The following WWOX variants were observed in gnomAD, a reference collection of about 807,000 sequenced individuals.
WWOX encodes the protein WW domain-containing oxidoreductase.
Under a neutral mutation model 46.2 loss-of-function variants are expected in WWOX, and 69 were observed. The ratio of observed to expected loss-of-function variants is 1.49; its 90% CI spans 1.23 to 1.82. The LOEUF (loss-of-function observed/expected upper bound fraction) is 1.82, where lower values mean the gene tolerates loss of function less well. Among genes scored for constraint, WWOX ranks in the 40% most tolerant of loss-of-function variants. The pLI is 0.00. For missense variants in WWOX, 919 were observed against 542.6 expected (o/e 1.69, Z -6.89); for synonymous variants, 359 against 202.6 (o/e 1.77, Z -6.56).
At position 78,342,331 on chromosome 16, in the gene WWOX, G is replaced by A. The variant is rs552098717; in HGVS notation, c.517-44529G>A. Among the ~76,000 whole-genome samples, 4 of 120,642 alleles carry A rather than the reference G, an allele frequency of 3.3e-5. No individual in the cohort carries two copies. The East Asian group carries it at 5.8e-4, about 17-fold the overall frequency. 79.1% of individuals were successfully genotyped at this position (120,642 alleles called of 152,430 possible). A position where few individuals can be genotyped will look rare whatever the true frequency, so the allele number is the denominator to read the frequency against. On this transcript the variant is annotated intron_variant, in intron 5 of 8. Coordinates refer to ENST00000566780, the MANE Select transcript of WWOX (RefSeq NM_016373.4). ...ATATCCAGTGTGAGTTGGCTGGAAG[G>A]TCCACCCTACACAACCACTCGTGAA...
At chr16:78,404,573 A>G (rs1044750590) in intron 6 of WWOX, among the ~76,000 whole-genome samples, 4 of 152,160 alleles carry the variant, frequency 2.6e-5, no homozygotes, top group Non-Finnish European at 5.9e-5. Context: ...ACTTTGGCCT[A>G]TCAAATTTCT....
At chr16:79,063,806 G>C (rs556200381) in intron 8 of WWOX, among the ~76,000 whole-genome samples, 38 of 152,310 alleles carry the variant, frequency 2.5e-4, no homozygotes, top group African/African-American at 8.2e-4. Context: ...ATTTCTGTGG[G>C]ACCTAAAGAG....
intron 8 of WWOX, among the ~76,000 whole-genome samples, chr16:78,979,612 C>T (rs914874186): frequency 1.3e-5 from 2 of 152,136 alleles, no homozygotes; most frequent in Non-Finnish European, 1.5e-5. Flanking sequence ...ATGGGAGTTT[C>T]TACCGATGCT....
intron 8 of WWOX, among the ~76,000 whole-genome samples, chr16:78,863,601 A>C (rs2043939927): frequency 6.6e-6 from 1 of 152,096 alleles, no homozygotes; most frequent in African/African-American, 2.4e-5. Context: ...GAATCTCCCA[A>C]CCATAAGCTG....
intron 8 of WWOX, among the ~76,000 whole-genome samples, chr16:79,022,426 C>A (rs963095523): frequency 3.3e-5 from 5 of 151,176 alleles, no homozygotes; most frequent in Non-Finnish European, 5.9e-5. Context: ...GCCCCAGTCG[C>A]TAGTAAATAA....
intron 8 of WWOX, among the ~76,000 whole-genome samples, chr16:78,746,559 ACTTT>A (rs1210649327): frequency 6.6e-6 from 1 of 151,702 alleles, no homozygotes; most frequent in Non-Finnish European, 1.5e-5. Context: ...AGTGAAATGA[ACTTT>A]CTTGCTCCTG....
At chr16:79,085,900 A>G (rs1486583750) in intron 8 of WWOX, among the ~76,000 whole-genome samples, 1 of 152,002 alleles carries the variant, frequency 6.6e-6, no homozygotes, top group African/African-American at 2.4e-5. Flanking sequence ...AAAAACAAAA[A>G]AATTAGCCAG....
chr16:78,258,962 G>A (rs2038206574), intron 5 of WWOX, among the ~76,000 whole-genome samples: 2 of 152,128 alleles, frequency 1.3e-5, no homozygotes, highest in Non-Finnish European at 2.9e-5. Flanking sequence ...TGTTACTAGT[G>A]CTCGCATATG....
Position 79,169,454 on chromosome 16 carries a change from A to C in WWOX, c.1057-42154A>C, listed in dbSNP as rs112426496. 9.7e-3 allele frequency among the ~76,000 whole-genome samples: 1,478 copies of C among 152,300 alleles called. 11 individuals carry two copies. Among genetic ancestry groups the C allele is most frequent in the African/African-American group, 0.015 (638 of 41,570 alleles). ...GCAGCTGCAGAGGGTCTCACTGAGC[A>C]CTATTCTTGGAATTCTTAAAAGCTG... On this transcript the variant is annotated intron_variant, in intron 8 of 8. Transcript: ENST00000566780.
intron 5 of WWOX, among the ~76,000 whole-genome samples, chr16:78,229,185 G>T (rs757895793): frequency 6.6e-6 from 1 of 151,076 alleles, no homozygotes; most frequent in Non-Finnish European, 1.5e-5. Flanking sequence ...CAAAGATGAG[G>T]TTACGAATCA....
chr16:78,415,027 G>T (rs547567718), intron 6 of WWOX, among the ~76,000 whole-genome samples: 1 of 150,600 alleles, frequency 6.6e-6, no homozygotes, highest in Non-Finnish European at 1.5e-5. Flanking sequence ...TTGGCTGTTG[G>T]ACTAAGGATA....
intron 4 of WWOX, among the ~76,000 whole-genome samples, chr16:78,145,486 G>T (rs2034166938): frequency 6.6e-6 from 1 of 152,182 alleles, no homozygotes; most frequent in South Asian, 2.1e-4. Flanking sequence ...ATAAAGGCCG[G>T]AAGACTCAGC....
intron 8 of WWOX, among the ~76,000 whole-genome samples, chr16:79,011,455 T>G (rs896077904): frequency 1.5e-5 from 2 of 137,308 alleles, no homozygotes; most frequent in African/African-American, 5.5e-5. Context: ...TTTTTTATTT[T>G]TTATTTTATT....
chr16:78,204,254 T>A (rs1379013910), intron 5 of WWOX, among the ~76,000 whole-genome samples: 3 of 152,336 alleles, frequency 2.0e-5, no homozygotes, highest in East Asian at 1.9e-4. Flanking sequence ...AATCTCTTTT[T>A]AAAATTTTTT....
intron 8 of WWOX, among the ~76,000 whole-genome samples, chr16:79,012,974 C>T (rs960988573): frequency 6.6e-6 from 1 of 152,184 alleles, no homozygotes; most frequent in Non-Finnish European, 1.5e-5. Context: ...GGTGGATCGC[C>T]TGAGGTCAGG....
At chr16:78,956,582 A>G (rs1168684845) in intron 8 of WWOX, among the ~76,000 whole-genome samples, 4 of 152,122 alleles carry the variant, frequency 2.6e-5, no homozygotes, top group Admixed American at 1.3e-4. Context: ...ACATGTATCT[A>G]TCATACATCA....
At position 78,993,832 on chromosome 16, in the gene WWOX, G is replaced by C. The variant is rs547460759; in HGVS notation, c.1057-217776G>C. ...GGCATCGGAACCTGCAAGAAGCCAAGACGCCTGTTCTCCACGGCGGAGCCC... is the reference window on the plus strand; with the variant it reads ...GGCATCGGAACCTGCAAGAAGCCAACACGCCTGTTCTCCACGGCGGAGCCC... On this transcript the variant is annotated intron_variant, in intron 8 of 8. Transcript: ENST00000566780. Among the ~76,000 whole-genome samples, 51 of 152,336 alleles carry C rather than the reference G, an allele frequency of 3.3e-4. No homozygotes were observed. In the South Asian group the frequency reaches 9.5e-3, roughly 28 times the overall value.
intron 8 of WWOX, among the ~76,000 whole-genome samples, chr16:78,434,473 T>C (rs2083293279): frequency 1.3e-5 from 2 of 152,222 alleles, no homozygotes; most frequent in Non-Finnish European, 2.9e-5. Context: ...AATATGGATC[T>C]GAACTGGGTG....
chr16:78,617,838 G>T (rs944116946), intron 8 of WWOX, among the ~76,000 whole-genome samples: 1 of 152,170 alleles, frequency 6.6e-6, no homozygotes, highest in East Asian at 1.9e-4. Flanking sequence ...TGGAATGAAG[G>T]TGTCTTGCTA....
Sources: gnomAD v4.1 joint callset for allele counts (sites outside exome capture counted in the v4.1 genomes callset) on GRCh38, gnomAD v4.1.1 for gene constraint, MANE v1.5 for transcripts, NCBI Gene and HGNC (gene_info 2026-07-23, HGNC 2026-07-21) for gene names.